ZNF143: variants seen among roughly 807,000 people sequenced by gnomAD.
ZNF143 encodes SPH-binding factor.
A neutral mutation model predicts 74.1 loss-of-function variants in ZNF143; 49 were observed. The ratio of observed to expected loss-of-function variants is 0.66; its 90% confidence interval spans 0.53 to 0.84. The LOEUF is 0.84. ZNF143 is among the 40% of genes least tolerant of loss of function. ZNF143 has a pLI of 0.00. For missense variants in ZNF143, 637 were observed against 793.4 expected, an observed-to-expected ratio of 0.80 and a Z score of 2.37; for synonymous variants, 304 against 282.8, an observed-to-expected ratio of 1.07 and a Z score of -0.75.
chr11:9,520,032 T>C (rs1848859295), intron 14 of ZNF143, among the ~76,000 whole-genome samples: 1 of 130,256 alleles, frequency 7.7e-6, no homozygotes, highest in Non-Finnish European at 1.6e-5. Flanking sequence ...CCAATTTTTT[T>C]TTTTTTTTTT....
chr11:9,503,635 T>C (rs1355443936), intron 11 of ZNF143, among the ~76,000 whole-genome samples: 1 of 151,952 alleles, frequency 6.6e-6, no homozygotes, highest in East Asian at 1.9e-4. Context: ...TGGCTAATGA[T>C]GTGAAGCTTT....
chr11:9,496,009 C>T (rs1445655468), intron 8 of ZNF143, among the ~76,000 whole-genome samples: 3 of 151,896 alleles, frequency 2.0e-5, no homozygotes, highest in Non-Finnish European at 4.4e-5. Context: ...CCCCCTGCTT[C>T]TAGTTTCTCA....
rs2134154090 is a variant in ZNF143 at position 9,508,708 on chromosome 11, C to T, written c.1237C>T (p.His413Tyr). 1 of 1,614,096 alleles carries T rather than the reference C, an allele frequency of 6.2e-7. No individual in the cohort carries two copies. The highest frequency in any genetic ancestry group is 8.5e-7 in the Non-Finnish European group (1 of 1,180,016). The change falls in exon 12 of 16, where the codon CAT becomes TAT. Residue 413 changes from histidine to tyrosine, a missense_variant. This residue lies in a region of ZNF143 where 344 missense variants were observed against 485.6 expected (regional missense o/e 0.71). Coordinates refer to ENST00000396602, the MANE Select transcript of ZNF143 (RefSeq NM_003442.6). ...SLYKHHVVHT[H>Y]SKPYNCNHCG... is the part of the protein sequence containing the mutation. ...GTACAAACATCATGTTGTCCACACT[C>T]ATTCCAAACCTTACAACTGTAACCA... is the stretch of plus-strand genomic sequence containing the variant.
Position 9,501,176 on chromosome 11 carries a change from C to G in ZNF143, c.1053C>G (p.His351Gln). Residue 351 changes from histidine (H) to glutamine (Q), a missense_variant, in exon 11 of 16, where the codon CAC (histidine) becomes CAG (glutamine). By Grantham distance (24) the His-to-Gln change is conservative. Transcript: ENST00000396602. ...TCAGAAAAGTGCACGTTAGGACACA[C>G]ACAGGAGAAAGACCTTATTACTGCA... ...SNIRKVHVRTHTGERPYYCTE... is the reference protein window; with the variant it reads ...SNIRKVHVRTQTGERPYYCTE... 1 of 1,614,196 alleles carries G rather than the reference C, an allele frequency of 6.2e-7. No individual in the cohort carries two copies. The highest frequency in any genetic ancestry group is 8.5e-7 in the Non-Finnish European group (1 of 1,180,046).
At position 9,476,790 on chromosome 11, in the gene ZNF143, C is replaced by A. The variant is rs1336315066; in HGVS notation, c.374-1600C>A. On this transcript the variant is annotated intron_variant, in intron 5 of 15. Transcript: ENST00000396602. The stretch of plus-strand genomic sequence containing the variant: ...TTTTTTTTTTTTTGAGACAGACTCT[C>A]GCTCTCTCTCCCAGTCTGGAGTGCA... Among the ~76,000 whole-genome samples, 23 of 92,628 alleles carry A rather than the reference C, an allele frequency of 2.5e-4. 1 individual carries two copies. The highest frequency in any genetic ancestry group is 9.4e-4 in the African/African-American group (23 of 24,540). 60.8% of individuals were successfully genotyped at this position (92,628 alleles called of 152,430 possible).
At chr11:9,476,755 T>G (rs1856923207) in intron 5 of ZNF143, among the ~76,000 whole-genome samples, 1 of 100,644 alleles carries the variant, frequency 9.9e-6, no homozygotes, top group Non-Finnish European at 2.0e-5. Flanking sequence ...TCTTTTTTTT[T>G]TTTTTTTTTT....
chr11:9,483,496 C>T (rs1384388254), intron 7 of ZNF143, among the ~76,000 whole-genome samples: 2 of 147,344 alleles, frequency 1.4e-5, no homozygotes, highest in South Asian at 2.1e-4. Context: ...CAGGGTTTTA[C>T]CATGCTGGCC....
chr11:9,467,093 C>T (rs990189104), intron 1 of ZNF143, among the ~76,000 whole-genome samples: 1 of 151,484 alleles, frequency 6.6e-6, no homozygotes, highest in African/African-American at 2.4e-5. Flanking sequence ...GGGGTTTCAC[C>T]GTGTTAGCCA....
chr11:9,523,899 T>A (rs964253341), intron 14 of ZNF143, among the ~76,000 whole-genome samples: 1 of 150,504 alleles, frequency 6.6e-6, no homozygotes, highest in African/African-American at 2.4e-5. Context: ...AATACAAAAA[T>A]TAGCCGAGTG....
chr11:9,467,702 C>T (rs557919009), intron 1 of ZNF143, among the ~76,000 whole-genome samples: 1 of 151,968 alleles, frequency 6.6e-6, no homozygotes, highest in African/African-American at 2.4e-5. Flanking sequence ...AAAAAATTAC[C>T]TGGGCATGGT....
rs759838783 is a variant in ZNF143 at position 9,474,547 on chromosome 11, G to A, written c.290-3G>A. On this transcript the variant is annotated splice_polypyrimidine_tract_variant and splice_region_variant and intron_variant, in intron 4 of 15. Coordinates refer to ENST00000396602, the MANE Select transcript of ZNF143 (RefSeq NM_003442.6). ...AGATCTAAATGTAAGCATTGTTCTT[G>A]AGCAGGGGACAGTTTGCGTCTAGAG... 4 of 1,614,072 alleles carry A rather than the reference G, an allele frequency of 2.5e-6. No homozygotes were observed. Among genetic ancestry groups the A allele is most frequent in the Non-Finnish European group, 3.4e-6 (4 of 1,179,978 alleles).
At chr11:9,510,985 A>G (rs1331920759) in intron 12 of ZNF143, among the ~76,000 whole-genome samples, 1 of 152,106 alleles carries the variant, frequency 6.6e-6, no homozygotes, top group Non-Finnish European at 1.5e-5. Flanking sequence ...ATGGTTTGCA[A>G]TCAATCAGTT....
intron 5 of ZNF143, among the ~76,000 whole-genome samples, chr11:9,476,654 G>C (rs1299544147): frequency 6.7e-6 from 1 of 148,842 alleles, no homozygotes; most frequent in Non-Finnish European, 1.5e-5. Flanking sequence ...TTACAGGCAT[G>C]AGCCACTGCA....
intron 11 of ZNF143, among the ~76,000 whole-genome samples, chr11:9,505,301 G>A (rs993957941): frequency 1.9e-4 from 29 of 149,992 alleles, no homozygotes; most frequent in Admixed American, 1.3e-3. Flanking sequence ...ATGGAGTCTC[G>A]CTCTGTCGCT....
chr11:9,499,660 G>A (rs747262376), intron 10 of ZNF143, among the ~76,000 whole-genome samples: 1 of 152,152 alleles, frequency 6.6e-6, no homozygotes, highest in Non-Finnish European at 1.5e-5. Context: ...TGCAACCATC[G>A]TGCCTGTGAA....
intron 14 of ZNF143, among the ~76,000 whole-genome samples, chr11:9,521,259 C>CTA (rs1182784231): frequency 6.6e-6 from 1 of 152,118 alleles, no homozygotes; most frequent in Non-Finnish European, 1.5e-5. Flanking sequence ...GGATCATACT[C>CTA]TATTAGAGTA....
intron 7 of ZNF143, among the ~76,000 whole-genome samples, chr11:9,489,026 G>T (rs1403538920): frequency 6.6e-6 from 1 of 152,182 alleles, no homozygotes; most frequent in Non-Finnish European, 1.5e-5. Flanking sequence ...ATGCATTGAG[G>T]TAAAAGCCAG....
chr11:9,490,447 C>G (rs1847731227), intron 7 of ZNF143, among the ~76,000 whole-genome samples: 1 of 151,512 alleles, frequency 6.6e-6, no homozygotes, highest in African/African-American at 2.4e-5. Flanking sequence ...CCATGCCCAG[C>G]TAATTTTTAT....
intron 14 of ZNF143, among the ~76,000 whole-genome samples, chr11:9,517,797 C>G (rs1848775370): frequency 1.3e-5 from 2 of 152,134 alleles, no homozygotes; most frequent in South Asian, 4.1e-4. Context: ...CTCTAGAAGA[C>G]AAGAGAGGCA....
Sources: gnomAD v4.1 joint callset for allele counts (sites outside exome capture counted in the v4.1 genomes callset) on GRCh38, gnomAD v4.1.1 for gene constraint, gnomAD v4.1.1 regional missense constraint, MANE v1.5 for transcripts, NCBI Gene and HGNC (gene_info 2026-07-23, HGNC 2026-07-21) for gene names.